CTNNA3: variants seen among roughly 807,000 people sequenced by gnomAD.
The protein encoded by CTNNA3 is catenin alpha 3.
Under a neutral mutation model 95.7 loss-of-function variants are expected in CTNNA3, and 76 were observed. That is an observed-to-expected ratio of 0.79 (90% CI 0.66 to 0.96). The LOEUF is 0.96. Among genes scored for constraint, CTNNA3 ranks in the 40% least tolerant of loss-of-function variants. The probability of loss-of-function intolerance (pLI) is 0.00; values close to 1 mark genes in which losing one functional copy is unlikely to be tolerated. For missense variants in CTNNA3, 1,191 were observed against 1,089.8 expected (o/e 1.09, Z -1.31); for synonymous variants, 431 against 374.4 (o/e 1.15, Z -1.74).
At chr10:66,342,910 T>C (rs2092467890) in intron 12 of CTNNA3, among the ~76,000 whole-genome samples, 1 of 152,262 alleles carries the variant, frequency 6.6e-6, no homozygotes, top group Admixed American at 6.5e-5. Flanking sequence ...GATTGAAAAC[T>C]ATGTGCAAAG....
chr10:67,008,486 G>A (rs1207626674), intron 7 of CTNNA3, among the ~76,000 whole-genome samples: 1 of 151,982 alleles, frequency 6.6e-6, no homozygotes, highest in East Asian at 1.9e-4. Context: ...GTTTTTACAG[G>A]GTGGCTATTC....
At position 66,913,266 on chromosome 10, in the gene CTNNA3, G is replaced by GAAAAAGA. The variant is rs1846316295; in HGVS notation, c.1048-137749_1048-137743dup. The stretch of plus-strand genomic sequence containing the variant: ...AAAAAAAAAAAAAAAAAAAAAAAAA[G>GAAAAAGA]AAAAAGAAAAAAGAAATGAGTACAT... On this transcript the variant is annotated intron_variant, in intron 7 of 17. Coordinates refer to ENST00000433211, the MANE Select transcript of CTNNA3 (RefSeq NM_013266.4). 1.2e-4 allele frequency among the ~76,000 whole-genome samples: 9 copies of GAAAAAGA among 74,582 alleles called. No homozygotes were observed. In the East Asian group the frequency reaches 2.5e-3, roughly 21 times the overall value. The allele number at this position is 74,582 out of a possible 152,430, so 48.9% of individuals were successfully genotyped here.
chr10:67,069,484 T>G (rs1856303158), intron 7 of CTNNA3, among the ~76,000 whole-genome samples: 1 of 152,112 alleles, frequency 6.6e-6, no homozygotes, highest in South Asian at 2.1e-4. Context: ...ATGGTGAATA[T>G]TCATAAACTG....
chr10:67,384,717 G>A (rs938208897), intron 5 of CTNNA3, among the ~76,000 whole-genome samples: 1 of 152,168 alleles, frequency 6.6e-6, no homozygotes, highest in South Asian at 2.1e-4. Flanking sequence ...CAGGAAGCTC[G>A]TATGACTCAG....
chr10:66,511,231 T>A (rs1421042722), intron 11 of CTNNA3, among the ~76,000 whole-genome samples: 2 of 151,852 alleles, frequency 1.3e-5, no homozygotes, highest in African/African-American at 2.4e-5. Flanking sequence ...TCAGTTGTAA[T>A]ATCTCATTGT....
intron 6 of CTNNA3, among the ~76,000 whole-genome samples, chr10:67,217,161 T>C (rs1417098593): frequency 6.6e-6 from 1 of 152,240 alleles, no homozygotes. Context: ...GAGTATTTAC[T>C]ACATCAATTT....
At chr10:67,536,387 C>T (rs1484328226) in intron 4 of CTNNA3, among the ~76,000 whole-genome samples, 1 of 152,134 alleles carries the variant, frequency 6.6e-6, no homozygotes, top group Non-Finnish European at 1.5e-5. Flanking sequence ...TGTCCAAAAT[C>T]AGCTTCACTG....
Position 67,055,239 on chromosome 10 carries a change from A to G in CTNNA3, c.1047+125078T>C, listed in dbSNP as rs184145717. Among the ~76,000 whole-genome samples, 451 of 152,292 alleles carry G rather than the reference A, an allele frequency of 3.0e-3. 4 individuals are homozygous for G. Among genetic ancestry groups the G allele is most frequent in the Non-Finnish European group, 2.5e-3 (173 of 68,012 alleles). Reference sequence around the variant, plus strand: ...CACATGGAACATAAGTTTGTTTTTTATCCCTTCCATAGGTGTCACCATTAG... The same window carrying G: ...CACATGGAACATAAGTTTGTTTTTTGTCCCTTCCATAGGTGTCACCATTAG... On this transcript the variant is annotated intron_variant, in intron 7 of 17. Transcript: ENST00000433211.
At chr10:67,132,081 G>C (rs1009125404) in intron 7 of CTNNA3, among the ~76,000 whole-genome samples, 4 of 152,108 alleles carry the variant, frequency 2.6e-5, no homozygotes, top group African/African-American at 9.7e-5. Flanking sequence ...GATAGCATCA[G>C]TGTGAATAGA....
At chr10:66,502,497 A>G (rs1360237668) in intron 11 of CTNNA3, among the ~76,000 whole-genome samples, 1 of 152,128 alleles carries the variant, frequency 6.6e-6, no homozygotes, top group Non-Finnish European at 1.5e-5. Flanking sequence ...AGCATTGTAG[A>G]TAACACTGAA....
At chr10:66,720,782 G>A (rs1589167045) in intron 9 of CTNNA3, among the ~76,000 whole-genome samples, 1 of 152,054 alleles carries the variant, frequency 6.6e-6, no homozygotes, top group African/African-American at 2.4e-5. Flanking sequence ...GCAGTGAGCC[G>A]AGATCGCGCC....
intron 9 of CTNNA3, among the ~76,000 whole-genome samples, chr10:66,633,496 T>A (rs188077733): frequency 3.3e-5 from 5 of 151,920 alleles, no homozygotes; most frequent in Non-Finnish European, 5.9e-5. Context: ...CTGGCTAACA[T>A]GGTGAAACCC....
intron 1 of CTNNA3, among the ~76,000 whole-genome samples, chr10:67,655,127 T>C (rs1330193836): frequency 6.6e-6 from 1 of 152,236 alleles, no homozygotes; most frequent in Non-Finnish European, 1.5e-5. Flanking sequence ...CCCTGATTAT[T>C]GTCATAACAC....
At chr10:67,484,661 T>C (rs1397962350) in intron 5 of CTNNA3, among the ~76,000 whole-genome samples, 1 of 152,142 alleles carries the variant, frequency 6.6e-6, no homozygotes, top group Admixed American at 6.6e-5. Flanking sequence ...CAGACACTTC[T>C]CAAAAGAAGA....
At chr10:66,382,007 T>C (rs1312872720) in intron 11 of CTNNA3, among the ~76,000 whole-genome samples, 1 of 152,046 alleles carries the variant, frequency 6.6e-6, no homozygotes, top group Non-Finnish European at 1.5e-5. Flanking sequence ...CAGCTCCCAG[T>C]GTGATTGATG....
chr10:67,196,741 C>T (rs1947842), intron 6 of CTNNA3, among the ~76,000 whole-genome samples: 55,533 of 151,824 alleles, frequency 0.37, 14,554 homozygotes, highest in African/African-American at 0.75. Flanking sequence ...GATTCTCCTA[C>T]TTTCACAATC....
chr10:67,068,197 T>C (rs1196539455), intron 7 of CTNNA3, among the ~76,000 whole-genome samples: 1 of 152,016 alleles, frequency 6.6e-6, no homozygotes, highest in East Asian at 1.9e-4. Flanking sequence ...TATATAATAT[T>C]AGAAAAGAAG....
intron 5 of CTNNA3, among the ~76,000 whole-genome samples, chr10:67,517,052 C>T (rs1839839278): frequency 6.6e-6 from 1 of 152,140 alleles, no homozygotes; most frequent in African/African-American, 2.4e-5. Context: ...AATAATGCTG[C>T]AATGAACGTG....
intron 14 of CTNNA3, among the ~76,000 whole-genome samples, chr10:66,093,345 G>A (rs2081280737): frequency 6.6e-6 from 1 of 152,184 alleles, no homozygotes; most frequent in South Asian, 2.1e-4. Flanking sequence ...TCCAAAAGGA[G>A]TGAGTAAACT....
Sources: allele counts gnomAD v4.1 joint callset (sites outside exome capture counted in the v4.1 genomes callset), GRCh38; gene constraint gnomAD v4.1.1; transcripts MANE v1.5; gene names NCBI Gene and HGNC (gene_info 2026-07-23, HGNC 2026-07-21).